The following CNTNAP5 variants were observed in gnomAD, a reference collection of about 807,000 sequenced individuals.
The protein encoded by CNTNAP5 is contactin associated protein family member 5.
Under a neutral mutation model 150.2 loss-of-function variants are expected in CNTNAP5, and 72 were observed. That is an observed-to-expected ratio of 0.48 (90% CI 0.40 to 0.58). The LOEUF is 0.58. Ranked by LOEUF, CNTNAP5 falls within the 20% of genes least tolerant of loss-of-function variation. The pLI, the probability that CNTNAP5 is intolerant of heterozygous loss-of-function variation, is 0.00. For missense variants in CNTNAP5, 1,636 were observed against 1,626.2 expected (o/e 1.01, Z -0.10); for synonymous variants, 672 against 619.8 (o/e 1.08, Z -1.25).
intron 13 of CNTNAP5, among the ~76,000 whole-genome samples, chr2:124,690,896 G>A (rs1209577758): frequency 6.6e-6 from 1 of 152,000 alleles, no homozygotes; most frequent in Admixed American, 6.6e-5. Context: ...TGCTATACGG[G>A]CAAAGGGAAA....
chr2:124,328,069 A>T (rs558602488), intron 3 of CNTNAP5, among the ~76,000 whole-genome samples: 5 of 152,222 alleles, frequency 3.3e-5, no homozygotes, highest in South Asian at 4.1e-4. Flanking sequence ...AAGAAAAAAT[A>T]AAAAAAAGCA....
At chr2:124,330,335 T>A (rs1451349818) in intron 3 of CNTNAP5, among the ~76,000 whole-genome samples, 1 of 152,162 alleles carries the variant, frequency 6.6e-6, no homozygotes, top group Non-Finnish European at 1.5e-5. Flanking sequence ...CTTATGCAAA[T>A]AACTATATTG....
chr2:124,348,553 A>G (rs1314469351), intron 3 of CNTNAP5, among the ~76,000 whole-genome samples: 2 of 152,202 alleles, frequency 1.3e-5, no homozygotes, highest in Non-Finnish European at 2.9e-5. Flanking sequence ...CTAAAACTGT[A>G]TAATTATTAT....
chr2:124,572,184 G>A (rs1282891992), intron 11 of CNTNAP5, among the ~76,000 whole-genome samples: 1 of 152,112 alleles, frequency 6.6e-6, no homozygotes, highest in Non-Finnish European at 1.5e-5. Flanking sequence ...AATGCACTGT[G>A]CAATTGAGTG....
In CNTNAP5 at chr2:124,105,213, G is replaced by T. The variant is rs148311423; in HGVS notation, c.82+79481G>T. Among the ~76,000 whole-genome samples, 3 of 152,100 alleles carry T rather than the reference G, an allele frequency of 2.0e-5. No homozygotes were observed. The East Asian group carries it at 5.8e-4, about 29-fold the overall frequency. On this transcript the variant is annotated intron_variant, in intron 1 of 23. Coordinates refer to ENST00000682447, the MANE Select transcript of CNTNAP5 (RefSeq NM_001367498.1). ...AGGATGCACAGTATTAAATTGTGTG[G>T]GTGTATCATAATCTCTTCAGCCAAT...
chr2:124,576,771 T>C (rs1369370611), intron 11 of CNTNAP5, among the ~76,000 whole-genome samples: 2 of 152,316 alleles, frequency 1.3e-5, no homozygotes, highest in Admixed American at 1.3e-4. Flanking sequence ...TCTCTAAATA[T>C]AGGGATAGTG....
chr2:124,317,833 A>ATGTG (rs146716724), intron 3 of CNTNAP5, among the ~76,000 whole-genome samples: 3 of 151,436 alleles, frequency 2.0e-5, no homozygotes, highest in Non-Finnish European at 2.9e-5. Context: ...GTAATGGAAC[A>ATGTG]TGTGTGTGTG....
chr2:124,493,621 G>A (rs949454980), intron 7 of CNTNAP5, among the ~76,000 whole-genome samples: 2 of 152,166 alleles, frequency 1.3e-5, no homozygotes, highest in Admixed American at 6.5e-5. Flanking sequence ...TTCCAGGGGT[G>A]AGCCACCGCA....
rs1167489878 is a variant in CNTNAP5, at chr2:124,046,550, C to T, written c.82+20818C>T. 2.0e-5 allele frequency among the ~76,000 whole-genome samples: 3 copies of T among 152,046 alleles called. No individual in the cohort carries two copies. In the East Asian group the frequency reaches 5.8e-4, roughly 29 times the overall value. On this transcript the variant is annotated intron_variant, in intron 1 of 23. Transcript: ENST00000682447. ...AAACCACTGAAGCTTAATCATTTTC[C>T]TTTGCATCAGAAAGAAGGTGGCTGA...
intron 3 of CNTNAP5, among the ~76,000 whole-genome samples, chr2:124,336,474 T>C (rs1011456096): frequency 4.6e-5 from 7 of 151,766 alleles, no homozygotes; most frequent in African/African-American, 1.7e-4. Context: ...GCTGCACCCA[T>C]TGACTCGTCA....
At chr2:124,134,091 A>G (rs934067984) in intron 1 of CNTNAP5, among the ~76,000 whole-genome samples, 1 of 152,096 alleles carries the variant, frequency 6.6e-6, no homozygotes, top group Non-Finnish European at 1.5e-5. Context: ...TCACCCAAGC[A>G]CATTTTGTAG....
intron 1 of CNTNAP5, among the ~76,000 whole-genome samples, chr2:124,053,561 T>G (rs1681765679): frequency 1.3e-5 from 2 of 152,206 alleles, no homozygotes; most frequent in Admixed American, 1.3e-4. Flanking sequence ...TTGACCTTTC[T>G]GAGTCTCTGA....
intron 1 of CNTNAP5, among the ~76,000 whole-genome samples, chr2:124,085,318 A>G (rs1682660374): frequency 1.3e-5 from 2 of 152,142 alleles, no homozygotes; most frequent in South Asian, 2.1e-4. Flanking sequence ...TCATTTCGTC[A>G]AAGTTTCAGA....
intron 3 of CNTNAP5, among the ~76,000 whole-genome samples, chr2:124,287,127 A>G (rs1280749890): frequency 6.6e-6 from 1 of 152,200 alleles, no homozygotes; most frequent in Non-Finnish European, 1.5e-5. Flanking sequence ...GATAGGAAAT[A>G]AAGACACAGC....
At chr2:124,852,371 T>G (rs553071050) in intron 19 of CNTNAP5, among the ~76,000 whole-genome samples, 26 of 152,198 alleles carry the variant, frequency 1.7e-4, no homozygotes, top group African/African-American at 5.5e-4. Context: ...ATCAGGAGCA[T>G]TCTAGGTGCA....
At chr2:124,246,219 G>A (rs1421424782) in intron 3 of CNTNAP5, among the ~76,000 whole-genome samples, 1 of 152,178 alleles carries the variant, frequency 6.6e-6, no homozygotes, top group Middle Eastern at 3.4e-3. Context: ...CACAAGGTTC[G>A]CTTCAGAAAA....
intron 17 of CNTNAP5, among the ~76,000 whole-genome samples, chr2:124,778,793 T>C (rs958059775): frequency 4.0e-5 from 6 of 151,776 alleles, no homozygotes; most frequent in African/African-American, 1.5e-4. Flanking sequence ...TAATGTAGTG[T>C]CCGACTCACA....
intron 1 of CNTNAP5, among the ~76,000 whole-genome samples, chr2:124,029,260 G>A (rs896932426): frequency 3.9e-5 from 6 of 151,980 alleles, no homozygotes; most frequent in East Asian, 1.9e-4. Flanking sequence ...TGAGTTATCC[G>A]AAGCTTATGC....
intron 8 of CNTNAP5, among the ~76,000 whole-genome samples, chr2:124,516,216 C>T (rs938984547): frequency 3.9e-5 from 6 of 152,138 alleles, no homozygotes; most frequent in African/African-American, 7.2e-5. Flanking sequence ...TACTAGTAAT[C>T]GTAATATACT....
Sources: allele counts gnomAD v4.1 joint callset (sites outside exome capture counted in the v4.1 genomes callset), GRCh38; gene constraint gnomAD v4.1.1; transcripts MANE v1.5; gene names NCBI Gene and HGNC (gene_info 2026-07-23, HGNC 2026-07-21).